Variants in SLC19A2 observed in about 807,000 individuals in gnomAD.
The protein encoded by SLC19A2 is solute carrier family 19 member 2.
SLC19A2 carries 27 observed loss-of-function variants against 44.7 expected under a neutral mutation model. The observed-to-expected ratio is 0.60, with a 90% CI of 0.45 to 0.83. The LOEUF is 0.83. Among genes scored for constraint, SLC19A2 ranks in the 40% least tolerant of loss-of-function variants. The pLI, the probability that SLC19A2 is intolerant of heterozygous loss-of-function variation, is 0.00. For missense variants in SLC19A2, 566 were observed against 613.7 expected (o/e 0.92, Z 0.82); for synonymous variants, 239 against 243.6 (o/e 0.98, Z 0.18).
At chr1:169,485,455 A>G in intron 1 of SLC19A2, 108 bp downstream of exon 1, 1 of 1,274,928 alleles carries the variant, frequency 7.8e-7, no homozygotes, top group Non-Finnish European at 1.1e-6. Flanking sequence ...AAAATCAGAA[A>G]TCTCTGCCGA....
At chr1:169,485,521 C>A (rs1658536636) in intron 1 of SLC19A2, 42 bp downstream of exon 1, 1 of 1,549,994 alleles carries the variant, frequency 6.5e-7, no homozygotes, top group South Asian at 1.2e-5. Flanking sequence ...ACCCGCAGGC[C>A]GGTCGCCCGC....
chr1:169,476,722 A>AAATAAT (rs562345387), intron 2 of SLC19A2, among the ~76,000 whole-genome samples: 5 of 151,708 alleles, frequency 3.3e-5, no homozygotes, highest in African/African-American at 4.8e-5. Flanking sequence ...TCTGTCTCAA[A>AAATAAT]AATAATAATA....
chr1:169,470,246 T>G (rs575855810), intron 2 of SLC19A2, 60 bp from the exon 3 acceptor site: 1 of 1,408,888 alleles, frequency 7.1e-7, no homozygotes, highest in African/African-American at 1.4e-5. Context: ...TAGAAAGCAA[T>G]TTACAGGCCC....
At chr1:169,485,325 C>G (rs1411455436) in intron 1 of SLC19A2, among the ~76,000 whole-genome samples, 1 of 152,244 alleles carries the variant, frequency 6.6e-6, no homozygotes, top group Non-Finnish European at 1.5e-5. Flanking sequence ...GCCTGACGCA[C>G]AAGGCACGGG....
intron 3 of SLC19A2, chr1:169,469,156 T>C: frequency 2.9e-6 from 1 of 345,002 alleles, no homozygotes; most frequent in Non-Finnish European, 5.4e-6. Context: ...CCATAGCTTC[T>C]AATTTGGCAT....
At chr1:169,485,541 G>GC in intron 1 of SLC19A2, 22 bp downstream of exon 1, 1 of 1,569,440 alleles carries the variant, frequency 6.4e-7, no homozygotes, top group Non-Finnish European at 8.6e-7. Flanking sequence ...CCCTTCCCGC[G>GC]CCCCGCGTCC....
rs749352944 is a variant in SLC19A2 at position 169,477,719 on chromosome 1, G to T, written c.243C>A (p.Tyr81Ter). The change falls in exon 2 of 6, where the codon TAC (tyrosine) becomes TAA (stop). Residue 81 changes from tyrosine (Y) to a stop codon, truncating the protein, a stop_gained. Transcript: ENST00000236137. LOFTEE classifies it high-confidence loss of function. ...NEIYPVWTYS[Y>*]LVLLFPVFLA... is the part of the protein sequence containing the mutation. ...GGAACACAGGAAACAGTAGCACCAG[G>T]TAAGAGTAAGTCCATACTGGATAAA... is the stretch of plus-strand genomic sequence containing the variant. 1 of 1,611,552 alleles carries T rather than the reference G, an allele frequency of 6.2e-7. No homozygotes were observed. Among genetic ancestry groups the T allele is most frequent in the Non-Finnish European group, 8.5e-7 (1 of 1,178,646 alleles).
Position 169,468,878 on chromosome 1 carries a change from A to G in SLC19A2, c.1031-42T>C, listed in dbSNP as rs771946203. The G allele has an allele frequency of 1.9e-6, 3 of 1,559,532 alleles. No homozygotes were observed. In the South Asian group the frequency reaches 3.3e-5, roughly 17 times the overall value. On this transcript the variant is annotated intron_variant, in intron 3 of 5. Coordinates refer to ENST00000236137, the MANE Select transcript of SLC19A2 (RefSeq NM_006996.3). ...AAAAATCCAATTATTTTGCTACACA[A>G]ATGCTGTTGCAATAAATTAAAAACT...
At chr1:169,478,506 A>G (rs1658377943) in intron 1 of SLC19A2, among the ~76,000 whole-genome samples, 1 of 140,088 alleles carries the variant, frequency 7.1e-6, no homozygotes, top group South Asian at 2.3e-4. Context: ...ACAGGCCTGT[A>G]CTACCACAAC....
intron 2 of SLC19A2, among the ~76,000 whole-genome samples, 160 bp from the exon 3 acceptor site, chr1:169,470,346 A>G (rs1389296483): frequency 6.6e-6 from 1 of 152,182 alleles, no homozygotes; most frequent in African/African-American, 2.4e-5. Flanking sequence ...CCTCTGGCGA[A>G]AAATATGTTC....
chr1:169,469,939 C>T, intron 3 of SLC19A2, 25 bp downstream of exon 3: 5 of 1,601,566 alleles, frequency 3.1e-6, no homozygotes, highest in Non-Finnish European at 4.3e-6. Context: ...CCCACCACGA[C>T]CCTCTATTAT....
chr1:169,484,238 A>G (rs891864865), intron 1 of SLC19A2, among the ~76,000 whole-genome samples: 1 of 152,222 alleles, frequency 6.6e-6, no homozygotes, highest in Admixed American at 6.5e-5. Flanking sequence ...CTTGAAAATG[A>G]CGGAGCATTG....
chr1:169,483,576 T>C (rs532626914), intron 1 of SLC19A2, among the ~76,000 whole-genome samples: 4 of 152,318 alleles, frequency 2.6e-5, no homozygotes, highest in South Asian at 2.1e-4. Context: ...AATCAGCAAA[T>C]AGTTACTACG....
At position 169,485,790 on chromosome 1, in the gene SLC19A2, C is replaced by G. The variant is rs1184346268; in HGVS notation, c.-24G>C. 3 of 1,514,352 alleles carry G rather than the reference C, an allele frequency of 2.0e-6. No individual in the cohort carries two copies. The highest frequency in any genetic ancestry group is 1.4e-5 in the African/African-American group (1 of 72,092). The allele number at this position is 1,514,352 out of a possible 1,614,324, so 93.8% of individuals were successfully genotyped here. A position where few individuals can be genotyped will look rare whatever the true frequency, so the allele number is the denominator to read the frequency against. On this transcript the variant is annotated 5_prime_UTR_variant, in exon 1 of 6. Coordinates refer to ENST00000236137, the MANE Select transcript of SLC19A2 (RefSeq NM_006996.3). ...ATCCGGGGCGCGAGGGGAGGGGACC[C>G]GGCCCGGCCCCTTCCTTCTCCTCCT...
intron 2 of SLC19A2, among the ~76,000 whole-genome samples, chr1:169,471,463 C>CCACACACA (rs59833853): frequency 1.2e-4 from 14 of 117,972 alleles, no homozygotes; most frequent in African/African-American, 4.8e-4. Flanking sequence ...GATCCCGTCT[C>CCACACACA]CACACACACA....
At chr1:169,469,936 C>A in intron 3 of SLC19A2, 28 bp downstream of exon 3, 1 of 1,597,908 alleles carries the variant, frequency 6.3e-7, no homozygotes. Context: ...TCCCCCACCA[C>A]GACCCTCTAT....
At chr1:169,485,506 TGCCCACCCGCAGGCCGGTC>T (rs1166859157) in intron 1 of SLC19A2, 38 bp downstream of exon 1, 2 of 1,536,206 alleles carry the variant, frequency 1.3e-6, no homozygotes, top group East Asian at 2.4e-5. Context: ...CTTCCTCCGC[TGCCCACCCGCAGGCCGGTC>T]GCCCGCCCTT....
In SLC19A2 at chr1:169,477,406, A is replaced by AT; in HGVS notation, c.555_556insA (p.Ser186IlefsTer55). 6.2e-7 allele frequency: 1 copy of AT among 1,614,208 alleles called. No homozygotes were observed. Among genetic ancestry groups the AT allele is most frequent in the Non-Finnish European group, 8.5e-7 (1 of 1,180,042 alleles). On this transcript the variant is annotated frameshift_variant, in exon 2 of 6. Coordinates refer to ENST00000236137, the MANE Select transcript of SLC19A2 (RefSeq NM_006996.3). LOFTEE classifies it high-confidence loss of function. ...GAGATGACATTCAGGCTGAACAGCG[A>AT]CCAGCCTGCCACTGAGACAAGGATT...
Position 169,485,832 on chromosome 1 carries a change from G to A in SLC19A2, c.-66C>T, listed in dbSNP as rs879707038. 10 of 1,474,644 alleles carry A rather than the reference G, an allele frequency of 6.8e-6. No individual in the cohort carries two copies. Among genetic ancestry groups the A allele is most frequent in the South Asian group, 1.3e-5 (1 of 76,306 alleles). The allele number at this position is 1,474,644 out of a possible 1,614,324, so 91.3% of individuals were successfully genotyped here. ...TCTCCTCCTCCGCCAACTGGAGTGA[G>A]GGTCAGGCACTTGTAACCGCGAGTG... On this transcript the variant is annotated 5_prime_UTR_variant, in exon 1 of 6. Transcript: ENST00000236137.
Sources: gnomAD v4.1 joint callset for allele counts (sites outside exome capture counted in the v4.1 genomes callset) on GRCh38, gnomAD v4.1.1 for gene constraint, MANE v1.5 for transcripts, NCBI Gene and HGNC (gene_info 2026-07-23, HGNC 2026-07-21) for gene names.